TTLL7: variants seen among roughly 807,000 people sequenced by gnomAD.
TTLL7 encodes tubulin tyrosine ligase like 7, also known as tubulin polyglutamylase TTLL7.
Under a neutral mutation model 120.2 loss-of-function variants are expected in TTLL7, and 53 were observed. The ratio of observed to expected loss-of-function variants is 0.44; its 90% CI spans 0.35 to 0.55. TTLL7 has a LOEUF of 0.55. TTLL7 is among the 20% of genes least tolerant of loss of function. TTLL7 has a pLI of 0.00. For synonymous variants in TTLL7, 353 were observed against 351.7 expected, an observed-to-expected ratio of 1.00 and a Z score of -0.04; for missense variants, 803 against 1,054.7, an observed-to-expected ratio of 0.76 and a Z score of 3.31.
At position 83,933,624 on chromosome 1, in the gene TTLL7, T is replaced by G; in HGVS notation, c.1031A>C (p.Lys344Thr). 1 of 1,613,210 alleles carries G rather than the reference T, an allele frequency of 6.2e-7. No individual in the cohort carries two copies. The highest frequency in any genetic ancestry group is 8.5e-7 in the Non-Finnish European group (1 of 1,179,570). ...ATGCCTTACCTCCAGAAGCCATGGCTTTAGTTTTCTATCCAACAAAATATC... is the reference window on the plus strand; with the variant it reads ...ATGCCTTACCTCCAGAAGCCATGGCGTTAGTTTTCTATCCAACAAAATATC... Reference protein sequence around the residue: ...GFDILLDRKLKPWLLEINRAP... With the variant: ...GFDILLDRKLTPWLLEINRAP... The change falls in exon 9 of 21, where the codon AAG (lysine) becomes ACG (threonine). Residue 344 changes from lysine (K) to threonine (T), a missense_variant. Physicochemically the swap from Lys to Thr is moderately conservative, Grantham distance 78. Transcript: ENST00000260505.
intron 1 of TTLL7, among the ~76,000 whole-genome samples, chr1:83,967,468 C>T (rs1650575924): frequency 6.6e-6 from 1 of 152,072 alleles, no homozygotes; most frequent in East Asian, 1.9e-4. Context: ...GAAGGATTAG[C>T]TCAGGGGGAA....
At chr1:83,923,936 G>A (rs1310887924) in intron 10 of TTLL7, among the ~76,000 whole-genome samples, 1 of 152,042 alleles carries the variant, frequency 6.6e-6, no homozygotes, top group Admixed American at 6.6e-5. Context: ...CTGATCACTT[G>A]CTTCACGTGC....
chr1:83,911,269 T>G lies in TTLL7; in HGVS notation c.1682A>C (p.Glu561Ala), dbSNP rs775274360. ...CTCTTCTTTTTCATTTTCGTCAGAT[T>G]CTGAAGAGCTGCTGCTACTATCATA... ...SSYDSSSSSS[E>A]SDENEKEEYQ... The change falls in exon 15 of 21, where the codon GAA becomes GCA. Residue 561 changes from glutamate to alanine, a missense_variant. Around this residue, in one of 3 missense-constraint regions of TTLL7, gnomAD observed 388 missense variants for 450.4 expected, o/e 0.86. Coordinates refer to ENST00000260505, the MANE Select transcript of TTLL7 (RefSeq NM_024686.6). The G allele has an allele frequency of 6.2e-7, 1 of 1,613,676 alleles. No homozygotes were observed. The highest frequency in any genetic ancestry group is 8.5e-7 in the Non-Finnish European group (1 of 1,179,702).
At chr1:83,893,346 G>A (rs1281944818) in intron 18 of TTLL7, among the ~76,000 whole-genome samples, 1 of 151,850 alleles carries the variant, frequency 6.6e-6, no homozygotes, top group Non-Finnish European at 1.5e-5. Flanking sequence ...CTTATGCAAT[G>A]TAGGTATTTC....
Position 83,892,601 on chromosome 1 carries a change from AAC to A in TTLL7, c.2209-2122_2209-2121del, listed in dbSNP as rs1238968348. Among the ~76,000 whole-genome samples, 416 of 141,390 alleles carry A rather than the reference AAC, an allele frequency of 2.9e-3. 15 individuals carry two copies. The highest frequency in any genetic ancestry group is 0.01 in the African/African-American group (396 of 38,694). The allele number at this position is 141,390 out of a possible 152,430, so 92.8% of individuals were successfully genotyped here. ...GAACATATAAATGAACATATGAATGAACATATATATGAACATATATATGAACA... is the reference window on the plus strand; with the variant it reads ...GAACATATAAATGAACATATGAATGAATATATATGAACATATATATGAACA... On this transcript the variant is annotated intron_variant, in intron 18 of 20. Transcript: ENST00000260505.
At chr1:83,981,708 TG>T (rs1651973252) in intron 1 of TTLL7, 1 of 152,204 alleles carries the variant, frequency 6.6e-6, no homozygotes, top group Non-Finnish European at 1.5e-5. Context: ...GGCGGGCGCC[TG>T]TAGTCCCCGC....
Position 83,865,688 on chromosome 1 carries a change from G to C in TTLL7, c.*4274C>G, listed in dbSNP as rs748283997. The stretch of plus-strand genomic sequence containing the variant: ...TTTTTAGGCATAGAGGCTTCAACCT[G>C]GTTCTTAAAAATAATCTCAGCAGAC... On this transcript the variant is annotated 3_prime_UTR_variant, in exon 21 of 21. Transcript: ENST00000260505. 11 of 151,842 alleles carry C rather than the reference G, an allele frequency of 7.2e-5. No homozygotes were observed. The highest frequency in any genetic ancestry group is 1.5e-4 in the Non-Finnish European group (10 of 67,848). 9.4% of individuals were successfully genotyped at this position (151,842 alleles called of 1,614,324 possible). A position where few individuals can be genotyped will look rare whatever the true frequency, so the allele number is the denominator to read the frequency against.
At chr1:83,891,136 T>A (rs1205693936) in intron 18 of TTLL7, among the ~76,000 whole-genome samples, 1 of 151,852 alleles carries the variant, frequency 6.6e-6, no homozygotes, top group Non-Finnish European at 1.5e-5. Context: ...TATATAAAAA[T>A]TAAGAACTTC....
At chr1:83,949,806 T>G (rs1405054970) in intron 4 of TTLL7, 59 bp downstream of exon 4, 1 of 1,590,624 alleles carries the variant, frequency 6.3e-7, no homozygotes, top group African/African-American at 1.4e-5. Flanking sequence ...TCTAAAAAAG[T>G]TATGTGGAAT....
intron 17 of TTLL7, among the ~76,000 whole-genome samples, chr1:83,904,753 T>C (rs1657039673): frequency 6.6e-6 from 1 of 152,126 alleles, no homozygotes; most frequent in Non-Finnish European, 1.5e-5. Context: ...TTATCATTCA[T>C]AGTAATAAAA....
chr1:83,940,676 T>C (rs953218341), intron 7 of TTLL7, among the ~76,000 whole-genome samples: 4 of 152,148 alleles, frequency 2.6e-5, no homozygotes, highest in Admixed American at 6.5e-5. Flanking sequence ...ATCCATGCTC[T>C]TATTCTTGGT....
rs527449756 is a variant in TTLL7, at chr1:83,964,336, T to C, written c.-176-11949A>G. 1.6e-4 allele frequency among the ~76,000 whole-genome samples: 24 copies of C among 152,204 alleles called. No homozygotes were observed. In the South Asian group the frequency reaches 1.9e-3, roughly 12 times the overall value. The stretch of plus-strand genomic sequence containing the variant: ...AACAATCATGGAATGCAGAATAGAA[T>C]TGGTGCCTGAAGTTAACCATTGCAC... On this transcript the variant is annotated intron_variant, in intron 1 of 20. Coordinates refer to ENST00000260505, the MANE Select transcript of TTLL7 (RefSeq NM_024686.6).
chr1:83,931,196 A>T (rs536375036), intron 9 of TTLL7, among the ~76,000 whole-genome samples: 110 of 152,212 alleles, frequency 7.2e-4, no homozygotes, highest in African/African-American at 2.6e-3. Context: ...AAGTCTCAAA[A>T]TTCAACAGCT....
intron 1 of TTLL7, among the ~76,000 whole-genome samples, chr1:83,989,215 A>G (rs967256366): frequency 1.3e-5 from 2 of 152,050 alleles, no homozygotes; most frequent in Non-Finnish European, 2.9e-5. Flanking sequence ...TTTTGCTGCA[A>G]TTGCTTTTGG....
At chr1:83,900,870 C>G (rs1180533479) in intron 18 of TTLL7, among the ~76,000 whole-genome samples, 7 of 151,978 alleles carry the variant, frequency 4.6e-5, no homozygotes, top group Non-Finnish European at 8.8e-5. Context: ...CATACTATTT[C>G]CATCACTGGA....
At chr1:83,876,927 T>TAATA (rs1653980762) in intron 20 of TTLL7, among the ~76,000 whole-genome samples, 1 of 151,994 alleles carries the variant, frequency 6.6e-6, no homozygotes, top group South Asian at 2.1e-4. Flanking sequence ...CTAAGACCGC[T>TAATA]AATACAATGC....
At position 83,906,363 on chromosome 1, in the gene TTLL7, T is replaced by A. The variant is rs762424594; in HGVS notation, c.2093A>T (p.Lys698Met). The change falls in exon 17 of 21, where the codon AAG becomes ATG. Residue 698 changes from lysine (K) to methionine (M), a missense_variant. Lys to Met is a moderately conservative substitution (Grantham distance 95). Transcript: ENST00000260505. Reference protein sequence around the residue: ...LKDMKIRFPGKSDAESELLIE... With the variant: ...LKDMKIRFPGMSDAESELLIE... The stretch of plus-strand genomic sequence containing the variant: ...CAGAAGTTCTGATTCTGCATCTGAC[T>A]TTCCTGGAAACCGGATCTTCATGTC... 1 of 1,612,520 alleles carries A rather than the reference T, an allele frequency of 6.2e-7. No homozygotes were observed. Among genetic ancestry groups the A allele is most frequent in the South Asian group, 1.1e-5 (1 of 90,980 alleles).
At chr1:83,948,448 C>T (rs1013882720) in intron 5 of TTLL7, among the ~76,000 whole-genome samples, 180 bp downstream of exon 5, 4 of 152,062 alleles carry the variant, frequency 2.6e-5, no homozygotes, top group African/African-American at 9.7e-5. Context: ...CCTCATTTAC[C>T]TCCTCTGCAA....
chr1:83,936,047 C>T (rs1647354133), intron 8 of TTLL7, among the ~76,000 whole-genome samples: 1 of 152,034 alleles, frequency 6.6e-6, no homozygotes, highest in Non-Finnish European at 1.5e-5. Context: ...TAGACAAGAC[C>T]ATGAAATGTG....
Sources: gnomAD v4.1 joint callset for allele counts (sites outside exome capture counted in the v4.1 genomes callset) on GRCh38, gnomAD v4.1.1 for gene constraint, gnomAD v4.1.1 regional missense constraint, MANE v1.5 for transcripts, NCBI Gene and HGNC (gene_info 2026-07-23, HGNC 2026-07-21) for gene names.